The following LRRC7 variants were observed in gnomAD, a reference collection of about 807,000 sequenced individuals.
The protein encoded by LRRC7 is leucine-rich repeat-containing protein 7.
LRRC7 carries 23 observed loss-of-function variants against 175.7 expected under a neutral mutation model. That is an observed-to-expected ratio of 0.13 (90% CI 0.09 to 0.19). LRRC7 has a LOEUF of 0.19. Among genes scored for constraint, LRRC7 ranks in the 10% least tolerant of loss-of-function variants. LRRC7 has a pLI of 1.00. For synonymous variants in LRRC7, 685 were observed against 680.9 expected, an observed-to-expected ratio of 1.01 and a Z score of -0.09; for missense variants, 1,354 against 1,904.7, an observed-to-expected ratio of 0.71 and a Z score of 5.38.
chr1:69,977,510 T>C (rs1307507749), intron 8 of LRRC7, among the ~76,000 whole-genome samples: 1 of 152,188 alleles, frequency 6.6e-6, no homozygotes, highest in Admixed American at 6.5e-5. Context: ...GTGCTGTGTA[T>C]CCATTCTTCT....
intron 8 of LRRC7, among the ~76,000 whole-genome samples, chr1:69,971,445 T>C (rs1425273820): frequency 6.6e-6 from 1 of 152,168 alleles, no homozygotes; most frequent in Non-Finnish European, 1.5e-5. Flanking sequence ...AAAATTAATG[T>C]ACACAAATCA....
In LRRC7 at chr1:69,917,620, C is replaced by T. The variant is rs531673356; in HGVS notation, c.648-13887C>T. On this transcript the variant is annotated intron_variant, in intron 7 of 26. Coordinates refer to ENST00000651989, the MANE Select transcript of LRRC7 (RefSeq NM_001370785.2). ...TATCTAGTGGGTACTTTGGATGCTGCTAAACATCTTAGAGTGCACAAGATA... is the reference window on the plus strand; with the variant it reads ...TATCTAGTGGGTACTTTGGATGCTGTTAAACATCTTAGAGTGCACAAGATA... Among the ~76,000 whole-genome samples the T allele has an allele frequency of 7.2e-5, 11 of 152,178 alleles. No homozygotes were observed. The South Asian group carries it at 2.3e-3, about 32-fold the overall frequency.
At chr1:70,099,880 C>T (rs1172148201) in intron 25 of LRRC7, among the ~76,000 whole-genome samples, 1 of 152,206 alleles carries the variant, frequency 6.6e-6, no homozygotes, top group African/African-American at 2.4e-5. Context: ...ATATTAAATA[C>T]AGGCTTTAAA....
intron 23 of LRRC7, among the ~76,000 whole-genome samples, chr1:70,065,376 T>C (rs1421106040): frequency 6.6e-6 from 1 of 152,018 alleles, no homozygotes; most frequent in Admixed American, 6.6e-5. Context: ...ATGATGCTTA[T>C]CTTATAGAGT....
intron 7 of LRRC7, among the ~76,000 whole-genome samples, chr1:69,905,891 C>G (rs1646290727): frequency 6.6e-6 from 1 of 152,206 alleles, no homozygotes; most frequent in African/African-American, 2.4e-5. Flanking sequence ...AAAAGTGTTC[C>G]TATTTCTCCA....
intron 2 of LRRC7, among the ~76,000 whole-genome samples, chr1:69,724,257 G>A (rs982538921): frequency 2.0e-5 from 3 of 152,084 alleles, no homozygotes; most frequent in Non-Finnish European, 2.9e-5. Context: ...CAGGAGAATC[G>A]CTTGAACCCA....
intron 7 of LRRC7, among the ~76,000 whole-genome samples, chr1:69,893,773 T>G (rs1645902780): frequency 6.6e-6 from 1 of 151,986 alleles, no homozygotes. Context: ...TAAGAGATTT[T>G]TTAATTTAAT....
chr1:69,770,543 G>T (rs1672121481), intron 3 of LRRC7, among the ~76,000 whole-genome samples: 1 of 151,978 alleles, frequency 6.6e-6, no homozygotes, highest in South Asian at 2.1e-4. Context: ...ACTTAAAAAG[G>T]AATCTTTTGA....
At chr1:69,667,991 T>C (rs1300976421) in intron 1 of LRRC7, among the ~76,000 whole-genome samples, 3 of 152,148 alleles carry the variant, frequency 2.0e-5, no homozygotes, top group Non-Finnish European at 4.4e-5. Flanking sequence ...TTTTTTTTAT[T>C]TGAGGTCACC....
At position 70,133,385 on chromosome 1, in the gene LRRC7, T is replaced by A. The variant is rs1245006210; in HGVS notation, c.*11498T>A. ...ACAGGCATGCACCACCACGCCCGGC[T>A]AATTTTTGTATTTTTAGTAAAGACA... On this transcript the variant is annotated 3_prime_UTR_variant, in exon 27 of 27. Coordinates refer to ENST00000651989, the MANE Select transcript of LRRC7 (RefSeq NM_001370785.2). 3.3e-5 allele frequency among the ~76,000 whole-genome samples: 5 copies of A among 152,034 alleles called. No homozygotes were observed. Among genetic ancestry groups the A allele is most frequent in the South Asian group, 2.1e-4 (1 of 4,826 alleles).
chr1:69,621,491 T>C lies in LRRC7; in HGVS notation c.2+52850T>C, dbSNP rs72936549. On this transcript the variant is annotated intron_variant, in intron 1 of 26. Coordinates refer to ENST00000651989, the MANE Select transcript of LRRC7 (RefSeq NM_001370785.2). ...GCGAATCTTTAGAACTGAATTTACA[T>C]CATGTTCTTGACTCAGATGCATATA... is the stretch of plus-strand genomic sequence containing the variant. Among the ~76,000 whole-genome samples, 988 of 152,316 alleles carry C rather than the reference T, an allele frequency of 6.5e-3. 5 individuals carry two copies. The highest frequency in any genetic ancestry group is 0.022 in the African/African-American group (935 of 41,568).
chr1:70,017,030 C>A (rs1340171930), intron 14 of LRRC7, among the ~76,000 whole-genome samples: 1 of 152,076 alleles, frequency 6.6e-6, no homozygotes, highest in East Asian at 1.9e-4. Context: ...GTAATCCCAA[C>A]ACTTTGGGAG....
chr1:70,086,996 G>A (rs1336665548), intron 24 of LRRC7, among the ~76,000 whole-genome samples: 4 of 152,134 alleles, frequency 2.6e-5, no homozygotes. Context: ...AGACCCAGTA[G>A]TCACAATACA....
Position 70,142,373 on chromosome 1 carries a change from A to G in LRRC7, c.*20486A>G, listed in dbSNP as rs1667097150. 1 of 152,136 alleles carries G rather than the reference A, an allele frequency of 6.6e-6. No homozygotes were observed. Among genetic ancestry groups the G allele is most frequent in the African/African-American group, 2.4e-5 (1 of 41,458 alleles). The allele number at this position is 152,136 out of a possible 1,614,324, so 9.4% of individuals were successfully genotyped here. A position where few individuals can be genotyped will look rare whatever the true frequency, so the allele number is the denominator to read the frequency against. ...TACTTCGGCTTTATAATGTTTGGGC[A>G]TTTCTCTTTAACATCCTCAAATACA... On this transcript the variant is annotated 3_prime_UTR_variant, in exon 27 of 27. Coordinates refer to ENST00000651989, the MANE Select transcript of LRRC7 (RefSeq NM_001370785.2).
intron 4 of LRRC7, among the ~76,000 whole-genome samples, chr1:69,794,635 A>T (rs746809410): frequency 6.6e-6 from 1 of 152,144 alleles, no homozygotes; most frequent in African/African-American, 2.4e-5. Context: ...ACATTCCTTG[A>T]TTTTCAGGCA....
chr1:69,731,355 G>A (rs776320071), intron 2 of LRRC7, among the ~76,000 whole-genome samples: 1 of 151,960 alleles, frequency 6.6e-6, no homozygotes, highest in Non-Finnish European at 1.5e-5. Context: ...AGCAGCATGT[G>A]GGTAACTGCC....
chr1:69,793,925 T>C (rs1675416535), intron 4 of LRRC7, among the ~76,000 whole-genome samples: 1 of 152,136 alleles, frequency 6.6e-6, no homozygotes, highest in Non-Finnish European at 1.5e-5. Flanking sequence ...TTGAGAGTAA[T>C]TGAGAAGTTA....
chr1:69,694,643 C>T (rs11209522), intron 2 of LRRC7, among the ~76,000 whole-genome samples: 36,612 of 151,918 alleles, frequency 0.24, 5,344 homozygotes, highest in African/African-American at 0.4. Flanking sequence ...GGGTAGCTCC[C>T]TCATGAATGA....
intron 10 of LRRC7, among the ~76,000 whole-genome samples, chr1:69,993,290 A>T (rs1013128414): frequency 6.6e-6 from 1 of 152,150 alleles, no homozygotes; most frequent in African/African-American, 2.4e-5. Flanking sequence ...GTACTTGCTC[A>T]TAACAGTCTG....
Sources: gnomAD v4.1 joint callset for allele counts (sites outside exome capture counted in the v4.1 genomes callset) on GRCh38, gnomAD v4.1.1 for gene constraint, MANE v1.5 for transcripts, NCBI Gene and HGNC (gene_info 2026-07-23, HGNC 2026-07-21) for gene names.